C6orf89: variants seen among roughly 807,000 people sequenced by gnomAD.
The protein encoded by C6orf89 is bombesin receptor-activated protein C6orf89.
C6orf89 carries 29 observed loss-of-function variants against 40.7 expected under a neutral mutation model. The ratio of observed to expected loss-of-function variants is 0.71; its 90% confidence interval spans 0.53 to 0.97. The LOEUF (loss-of-function observed/expected upper bound fraction) is 0.97. Ranked by LOEUF, C6orf89 falls within the 50% of genes least tolerant of loss-of-function variation. The pLI is 0.00. For synonymous variants in C6orf89, 165 were observed against 152.2 expected (o/e 1.08, Z -0.62); for missense variants, 392 against 429.1 (o/e 0.91, Z 0.76).
At chr6:36,886,527 A>G (rs1172901170) in intron 1 of C6orf89, among the ~76,000 whole-genome samples, 1 of 152,216 alleles carries the variant, frequency 6.6e-6, no homozygotes, top group East Asian at 1.9e-4. Context: ...GTTTCTTGAC[A>G]CAAGTAAAAT....
chr6:36,921,817 C>T (rs1009478572), intron 8 of C6orf89, among the ~76,000 whole-genome samples: 5 of 151,942 alleles, frequency 3.3e-5, no homozygotes, highest in South Asian at 2.1e-4. Flanking sequence ...TGCTTGAGCC[C>T]AGGAGTTCAA....
intron 2 of C6orf89, among the ~76,000 whole-genome samples, chr6:36,898,095 T>C (rs1761509160): frequency 6.6e-6 from 1 of 152,064 alleles, no homozygotes; most frequent in Non-Finnish European, 1.5e-5. Context: ...TTATTTTATT[T>C]CTCTAGAGAT....
chr6:36,876,684 T>C lies in C6orf89; in HGVS notation c.-627-2324T>C, dbSNP rs189399783. On this transcript the variant is annotated intron_variant, in intron 1 of 9. Coordinates refer to the C6orf89 transcript ENST00000359359. ...GGCTGCAGTGAGCAGAGATTTTGCCTTTGCACTCCACCCTGCACAACAAAA... is the reference window on the plus strand; with the variant it reads ...GGCTGCAGTGAGCAGAGATTTTGCCCTTGCACTCCACCCTGCACAACAAAA... 1.4e-3 allele frequency among the ~76,000 whole-genome samples: 204 copies of C among 149,746 alleles called. 1 individual carries two copies. Among genetic ancestry groups the C allele is most frequent in the South Asian group, 0.012 (57 of 4,730 alleles).
rs1762751834 is a variant in C6orf89 at position 36,928,322 on chromosome 6, G to C, written c.*4881G>C. 6.6e-6 allele frequency: 1 copy of C among 152,372 alleles called. No homozygotes were observed. The highest frequency in any genetic ancestry group is 2.4e-5 in the African/African-American group (1 of 41,440). The allele number at this position is 152,372 out of a possible 1,614,324, so 9.4% of individuals were successfully genotyped here. A position where few individuals can be genotyped will look rare whatever the true frequency, so the allele number is the denominator to read the frequency against. ...GTCTGAGTTTCAGACAGAAACTGGG[G>C]AGTTGGGACATCTTCTCTGTGCCAG... On this transcript the variant is annotated 3_prime_UTR_variant, in exon 9 of 9. Coordinates refer to ENST00000480824, the MANE Select transcript of C6orf89 (RefSeq NM_001286635.2).
chr6:36,922,064 C>T lies in C6orf89; in HGVS notation c.950-1283C>T, dbSNP rs145382398. Among the ~76,000 whole-genome samples, 15 of 152,048 alleles carry T rather than the reference C, an allele frequency of 9.9e-5. No individual in the cohort carries two copies. In the East Asian group the frequency reaches 1.7e-3, roughly 18 times the overall value. ...AATTAAAAATTTTTAAAGCCATGCG[C>T]GATGGCTCACGCCTGTAATCCCAGC... On this transcript the variant is annotated intron_variant, in intron 8 of 8. Transcript: ENST00000480824.
chr6:36,875,710 T>C lies in C6orf89; in HGVS notation c.-627-3298T>C, dbSNP rs574721727. On this transcript the variant is annotated intron_variant, in intron 1 of 9. Coordinates refer to the C6orf89 transcript ENST00000359359. ...GTGCCAGGCATCAAGCTAAGCATTT[T>C]ATTGCGTATTTTCACGCTTAATCTT... Among the ~76,000 whole-genome samples, 5 of 152,400 alleles carry C rather than the reference T, an allele frequency of 3.3e-5. No homozygotes were observed. In the East Asian group the frequency reaches 9.6e-4, roughly 29 times the overall value.
chr6:36,902,043 T>C (rs2150695252), intron 3 of C6orf89, among the ~76,000 whole-genome samples, 178 bp from the exon 4 acceptor site: 1 of 152,356 alleles, frequency 6.6e-6, no homozygotes, highest in Non-Finnish European at 1.5e-5. Context: ...TTGCAGTCCC[T>C]ATAGTTCTCA....
chr6:36,917,264 C>A (rs973085974), intron 7 of C6orf89, among the ~76,000 whole-genome samples: 1 of 152,034 alleles, frequency 6.6e-6, no homozygotes, highest in African/African-American at 2.4e-5. Flanking sequence ...AGTGTGGGAG[C>A]CTGGGAAGGA....
In C6orf89 at chr6:36,925,709, G is replaced by C. The variant is rs934540007; in HGVS notation, c.*2268G>C. The C allele has an allele frequency of 6.6e-6, 1 of 152,208 alleles. No individual in the cohort carries two copies. Among genetic ancestry groups the C allele is most frequent in the Non-Finnish European group, 1.5e-5 (1 of 68,034 alleles). The allele number at this position is 152,208 out of a possible 1,614,324, so 9.4% of individuals were successfully genotyped here. On this transcript the variant is annotated 3_prime_UTR_variant, in exon 9 of 9. Coordinates refer to ENST00000480824, the MANE Select transcript of C6orf89 (RefSeq NM_001286635.2). ...AGCAGAATCTACTACTGGCCAGAGC[G>C]ACAGGAGTGGCTAGGGGTTGCCAGC...
At position 36,926,592 on chromosome 6, in the gene C6orf89, AAAGGGAAGGG is replaced by A. The variant is rs143109651; in HGVS notation, c.*3153_*3162del. On this transcript the variant is annotated 3_prime_UTR_variant, in exon 9 of 9. Transcript: ENST00000480824. ...GAGAAAAGAAGAGGGGAGGGGAGGG[AAAGGGAAGGG>A]AGGGGAGGGGAGGAGAGGAGAGCAG... 6 of 70,430 alleles carry A rather than the reference AAAGGGAAGGG, an allele frequency of 8.5e-5. No homozygotes were observed. The highest frequency in any genetic ancestry group is 6.3e-4 in the African/African-American group (6 of 9,498). The allele number at this position is 70,430 out of a possible 1,614,324, so 4.4% of individuals were successfully genotyped here.
chr6:36,920,926 C>T (rs534366673), intron 8 of C6orf89, among the ~76,000 whole-genome samples: 1 of 152,030 alleles, frequency 6.6e-6, no homozygotes, highest in Non-Finnish European at 1.5e-5. Flanking sequence ...GAATTCCAGA[C>T]TTCCGGCTCC....
rs955601462 is a variant in C6orf89 at position 36,911,264 on chromosome 6, C to T, written c.404-3020C>T. 3.3e-5 allele frequency among the ~76,000 whole-genome samples: 5 copies of T among 152,064 alleles called. No individual in the cohort carries two copies. In the South Asian group the frequency reaches 8.3e-4, roughly 25 times the overall value. On this transcript the variant is annotated intron_variant, in intron 4 of 8. Coordinates refer to ENST00000480824, the MANE Select transcript of C6orf89 (RefSeq NM_001286635.2). ...CAGCACTTTGCAAGGCTGAGGTTGG[C>T]GGATCATCTGAGATCAGGAGTTTGA...
Position 36,914,644 on chromosome 6 carries a change from A to C in C6orf89, c.646A>C (p.Lys216Gln). 3 of 1,614,212 alleles carry C rather than the reference A, an allele frequency of 1.9e-6. No homozygotes were observed. Among genetic ancestry groups the C allele is most frequent in the Non-Finnish European group, 1.7e-6 (2 of 1,180,044 alleles). ...AGGCTTCTCTGAAGGGTTTTTCGCC[A>C]AGTGGTGGCGCTGCTTTCCTGAGCG... ...TEGFSEGFFA[K>Q]WWRCFPERWF... Residue 216 changes from lysine (K) to glutamine (Q), a missense_variant, in exon 6 of 9, where the codon AAG becomes CAG. Transcript: ENST00000480824.
At position 36,894,500 on chromosome 6, in the gene C6orf89, G is replaced by T. The variant is rs1318879786; in HGVS notation, c.-119-4G>T. On this transcript the variant is annotated splice_polypyrimidine_tract_variant and splice_region_variant and intron_variant, in intron 1 of 8. Coordinates refer to ENST00000480824, the MANE Select transcript of C6orf89 (RefSeq NM_001286635.2). ...AATAAGTTATCCCTTTACTCTATTT[G>T]CAGGAATCATTGTAGTCAATCATTT... 2 of 984,186 alleles carry T rather than the reference G, an allele frequency of 2.0e-6. No individual in the cohort carries two copies. The highest frequency in any genetic ancestry group is 2.4e-6 in the Non-Finnish European group (2 of 828,836). The allele number at this position is 984,186 out of a possible 1,614,324, so 61.0% of individuals were successfully genotyped here. A position where few individuals can be genotyped will look rare whatever the true frequency, so the allele number is the denominator to read the frequency against.
rs141040016 is a variant in C6orf89 at position 36,911,602 on chromosome 6, G to A, written c.404-2682G>A. 5.9e-3 allele frequency among the ~76,000 whole-genome samples: 905 copies of A among 152,204 alleles called. 2 individuals carry two copies. The highest frequency in any genetic ancestry group is 0.012 in the African/African-American group (481 of 41,520). ...CCATGCAGCACCTTTATACAAATTC[G>A]AGGAAGGTGCCCCTTTCTCCTGGTG... is the stretch of plus-strand genomic sequence containing the variant. On this transcript the variant is annotated intron_variant, in intron 4 of 8. Coordinates refer to ENST00000480824, the MANE Select transcript of C6orf89 (RefSeq NM_001286635.2).
At chr6:36,876,739 AAAG>A (rs1175385246) in intron 1 of C6orf89, among the ~76,000 whole-genome samples, 185 of 125,586 alleles carry the variant, frequency 1.5e-3, no homozygotes, top group Admixed American at 2.1e-3. Context: ...AAAAAAAAAA[AAAG>A]AAGAAGAAGA....
chr6:36,928,647 C>T lies in C6orf89; in HGVS notation c.*5206C>T, dbSNP rs907505487. Reference sequence around the variant, plus strand: ...AGGGTCAGTAACCAATGCCGAGGGTCGGGGAAGGAGGAGTCACAGGCAAGA... The same window carrying T: ...AGGGTCAGTAACCAATGCCGAGGGTTGGGGAAGGAGGAGTCACAGGCAAGA... On this transcript the variant is annotated 3_prime_UTR_variant, in exon 9 of 9. Transcript: ENST00000480824. The T allele has an allele frequency of 1.3e-5, 2 of 152,266 alleles. No homozygotes were observed. The highest frequency in any genetic ancestry group is 4.8e-5 in the African/African-American group (2 of 41,426). 9.4% of individuals were successfully genotyped at this position (152,266 alleles called of 1,614,324 possible).
chr6:36,889,372 A>G (rs1775109818), intron 1 of C6orf89, among the ~76,000 whole-genome samples: 1 of 152,220 alleles, frequency 6.6e-6, no homozygotes, highest in Non-Finnish European at 1.5e-5. Context: ...GAAACAAGAA[A>G]GTGTGTTACT....
chr6:36,872,860 T>C (rs1223376926), intron 1 of C6orf89, among the ~76,000 whole-genome samples: 3 of 152,214 alleles, frequency 2.0e-5, no homozygotes, highest in African/African-American at 7.2e-5. Flanking sequence ...TCTACCTGCC[T>C]TGGCCTCCCA....
Sources: allele counts gnomAD v4.1 joint callset (sites outside exome capture counted in the v4.1 genomes callset), GRCh38; gene constraint gnomAD v4.1.1; transcripts MANE v1.5; gene names NCBI Gene and HGNC (gene_info 2026-07-23, HGNC 2026-07-21).